Variants in BMP7 observed in about 807,000 individuals in gnomAD.
BMP7 encodes the protein osteogenic protein 1.
In BMP7, 12 loss-of-function variants were observed where a neutral mutation model predicts 41.2. The observed-to-expected ratio is 0.29, with a 90% CI of 0.19 to 0.47. The LOEUF (loss-of-function observed/expected upper bound fraction) is 0.47. BMP7 is among the 20% of genes least tolerant of loss of function. The probability of loss-of-function intolerance (pLI) is 0.99; values close to 1 mark genes in which losing one functional copy is unlikely to be tolerated. For synonymous variants in BMP7, 248 were observed against 250.0 expected, an observed-to-expected ratio of 0.99 and a Z score of 0.07; for missense variants, 467 against 606.0, an observed-to-expected ratio of 0.77 and a Z score of 2.41.
chr20:57,173,181 A>G lies in BMP7; in HGVS notation c.1146+19T>C. 6.2e-7 allele frequency: 1 copy of G among 1,611,384 alleles called. No individual in the cohort carries two copies. The highest frequency in any genetic ancestry group is 8.5e-7 in the Non-Finnish European group (1 of 1,177,534). On this transcript the variant is annotated intron_variant, in intron 6 of 6. Transcript: ENST00000395863. ...TGCCCGGCCCAGGTGACCACACCCC[A>G]AGATGGCGTGACACCCACCAGCGTC...
intron 1 of BMP7, among the ~76,000 whole-genome samples, chr20:57,240,332 T>C (rs992547151): frequency 6.6e-6 from 1 of 152,206 alleles, no homozygotes; most frequent in Non-Finnish European, 1.5e-5. Context: ...TTTGCTCCAG[T>C]TCCCAACAAG....
chr20:57,252,637 C>A (rs1277735868), intron 1 of BMP7, among the ~76,000 whole-genome samples: 1 of 152,242 alleles, frequency 6.6e-6, no homozygotes, highest in African/African-American at 2.4e-5. Flanking sequence ...CCATTTCAGT[C>A]TCCAGGGTGT....
At chr20:57,173,036 G>A (rs1983845039) in intron 6 of BMP7, 164 bp downstream of exon 6, 1 of 729,406 alleles carries the variant, frequency 1.4e-6, no homozygotes. Flanking sequence ...CAGTCATAAA[G>A]TACAATTTTT....
intron 2 of BMP7, chr20:57,225,808 C>T (rs1284872949): frequency 2.2e-6 from 1 of 455,948 alleles, no homozygotes; most frequent in African/African-American, 2.0e-5. Flanking sequence ...TCCGTCTTGC[C>T]CTCCACTGCT....
intron 2 of BMP7, among the ~76,000 whole-genome samples, chr20:57,212,933 G>C (rs1240753579): frequency 6.6e-6 from 1 of 152,246 alleles, no homozygotes; most frequent in African/African-American, 2.4e-5. Context: ...CCAAATCATA[G>C]AACAGTCCCT....
At chr20:57,226,278 C>T (rs1159210595) in intron 2 of BMP7, among the ~76,000 whole-genome samples, 1 of 152,218 alleles carries the variant, frequency 6.6e-6, no homozygotes, top group African/African-American at 2.4e-5. Flanking sequence ...AGCCTGGACA[C>T]AGAGGCTGTG....
intron 2 of BMP7, among the ~76,000 whole-genome samples, chr20:57,207,817 T>C (rs1025991547): frequency 9.8e-4 from 33 of 33,512 alleles, no homozygotes; most frequent in Admixed American, 2.2e-3. Context: ...GTTGGTTTTT[T>C]TTTTTTTTTT....
At chr20:57,242,643 C>T (rs1163372090) in intron 1 of BMP7, among the ~76,000 whole-genome samples, 2 of 152,168 alleles carry the variant, frequency 1.3e-5, no homozygotes, top group Non-Finnish European at 2.9e-5. Context: ...GGCTACTGAG[C>T]ACTTGAAATG....
At chr20:57,199,222 G>T (rs1211251943) in intron 3 of BMP7, among the ~76,000 whole-genome samples, 1 of 152,204 alleles carries the variant, frequency 6.6e-6, no homozygotes, top group South Asian at 2.1e-4. Flanking sequence ...CCTTCCCCGT[G>T]CAGGATCTGG....
rs111473963 is a variant in BMP7, at chr20:57,228,992, C to G, written c.419-571G>C. Among the ~76,000 whole-genome samples the G allele has an allele frequency of 6.6e-6, 1 of 152,166 alleles. No individual in the cohort carries two copies. The highest frequency in any genetic ancestry group is 2.4e-5 in the African/African-American group (1 of 41,440). ...CATCTCTAGGACCAGGGGTTCTCAG[C>G]CCTGAATGCACATGAAAATCACTGT... On this transcript the variant is annotated intron_variant, in intron 1 of 6. Coordinates refer to ENST00000395863, the MANE Select transcript of BMP7 (RefSeq NM_001719.3). This position sits in a 1 kb window ranked among gnomAD's most constrained non-coding sequence, Gnocchi z 4.5.
chr20:57,209,056 C>T (rs1027665031), intron 2 of BMP7, among the ~76,000 whole-genome samples: 8 of 151,490 alleles, frequency 5.3e-5, no homozygotes, highest in Non-Finnish European at 1.0e-4. Context: ...CGGTGGCTCA[C>T]GCCTATAATC....
At chr20:57,252,753 T>C (rs2066118937) in intron 1 of BMP7, among the ~76,000 whole-genome samples, 1 of 152,178 alleles carries the variant, frequency 6.6e-6, no homozygotes, top group Non-Finnish European at 1.5e-5. Context: ...AATGCTGTTT[T>C]TCCCACTCAC....
intron 3 of BMP7, among the ~76,000 whole-genome samples, chr20:57,188,711 G>A (rs545595380): frequency 6.6e-6 from 1 of 152,202 alleles, no homozygotes; most frequent in Non-Finnish European, 1.5e-5. Flanking sequence ...AAACAGTAAG[G>A]ATGCCTACCG....
Position 57,170,637 on chromosome 20 carries a change from T to C in BMP7, c.*322A>G, listed in dbSNP as rs551855936. The C allele has an allele frequency of 8.2e-6, 3 of 365,676 alleles. No homozygotes were observed. Among genetic ancestry groups the C allele is most frequent in the Admixed American group, 7.7e-5 (2 of 26,074 alleles). 22.7% of individuals were successfully genotyped at this position (365,676 alleles called of 1,614,324 possible). On this transcript the variant is annotated 3_prime_UTR_variant, in exon 7 of 7. Coordinates refer to ENST00000395863, the MANE Select transcript of BMP7 (RefSeq NM_001719.3). ...TGGCCTGGCTGGTAGGCGCTCATAA[T>C]TACCTCTGGAAACGAGTCCGTGCAT...
At chr20:57,217,622 A>G (rs1184179180) in intron 2 of BMP7, among the ~76,000 whole-genome samples, 3 of 152,028 alleles carry the variant, frequency 2.0e-5, no homozygotes, top group African/African-American at 7.2e-5. Flanking sequence ...CTCTGCATCA[A>G]CTCCCTCCAA....
chr20:57,190,915 C>T (rs1325322144), intron 3 of BMP7, among the ~76,000 whole-genome samples: 2 of 152,158 alleles, frequency 1.3e-5, no homozygotes, highest in Non-Finnish European at 2.9e-5. Context: ...GGGGCTGCCT[C>T]GGGCATGGTG....
Position 57,175,669 on chromosome 20 carries a change from G to A in BMP7, c.959-662C>T, listed in dbSNP as rs573092652. Among the ~76,000 whole-genome samples the A allele has an allele frequency of 5.6e-4, 86 of 152,330 alleles. 1 individual carries two copies. The highest frequency in any genetic ancestry group is 2.0e-3 in the African/African-American group (83 of 41,572). On this transcript the variant is annotated intron_variant, in intron 4 of 6. Transcript: ENST00000395863. ...CTGAGCACTTGTAAACATTGCAGAA[G>A]TGTCTGTCTGTCTGTCTTGTCTCTC...
intron 3 of BMP7, among the ~76,000 whole-genome samples, chr20:57,193,826 C>A (rs1192352626): frequency 6.6e-6 from 1 of 152,174 alleles, no homozygotes; most frequent in Non-Finnish European, 1.5e-5. Context: ...GCTGTAGGCG[C>A]CCTCTGTTCA....
intron 2 of BMP7, among the ~76,000 whole-genome samples, chr20:57,218,470 C>A (rs1403299915): frequency 6.9e-6 from 1 of 145,466 alleles, no homozygotes; most frequent in Non-Finnish European, 1.5e-5. Flanking sequence ...TTGGTGGTAG[C>A]TGGTGTGTGT....
Sources: allele counts gnomAD v4.1 joint callset (sites outside exome capture counted in the v4.1 genomes callset), GRCh38; gene constraint gnomAD v4.1.1; non-coding constraint Gnocchi (gnomAD v3.1); transcripts MANE v1.5; gene names NCBI Gene and HGNC (gene_info 2026-07-23, HGNC 2026-07-21).